HP1BP3: variants seen among roughly 807,000 people sequenced by gnomAD.
The protein encoded by HP1BP3 is heterochromatin protein 1-binding protein 3.
In HP1BP3, 12 loss-of-function variants were observed where a neutral mutation model predicts 62.5. That is an observed-to-expected ratio of 0.19 (90% confidence interval 0.12 to 0.31). The LOEUF is 0.31. Among genes scored for constraint, HP1BP3 ranks in the 10% least tolerant of loss-of-function variants. The probability of loss-of-function intolerance (pLI) is 1.00; values close to 1 mark genes in which losing one functional copy is unlikely to be tolerated. For synonymous variants in HP1BP3, 260 were observed against 237.8 expected, an observed-to-expected ratio of 1.09 and a Z score of -0.86; for missense variants, 502 against 651.8, an observed-to-expected ratio of 0.77 and a Z score of 2.50.
At chr1:20,777,660 G>C (rs1360537653) in intron 3 of HP1BP3, among the ~76,000 whole-genome samples, 1 of 152,054 alleles carries the variant, frequency 6.6e-6, no homozygotes, top group Non-Finnish European at 1.5e-5. Context: ...GGGTTTCATT[G>C]TGTTAGCCAG....
chr1:20,770,588 T>C (rs1003016685), intron 6 of HP1BP3, among the ~76,000 whole-genome samples: 2 of 152,170 alleles, frequency 1.3e-5, no homozygotes, highest in African/African-American at 4.8e-5. Flanking sequence ...GTGCTGGGAC[T>C]ACAGGTGTAG....
At position 20,749,845 on chromosome 1, in the gene HP1BP3, C is replaced by T; in HGVS notation, c.1019G>A (p.Ser340Asn). Residue 340 changes from serine (S) to asparagine (N), a missense_variant, in exon 10 of 13, where the codon AGC (serine) becomes AAC (asparagine). This residue lies in a region of HP1BP3 where 111 missense variants were observed against 242.0 expected (regional missense o/e 0.46). Transcript: ENST00000438032. ...AGACAAGATTGCATATTCCATCAGG[C>T]TTCCACCAAGCAGGGGTTTCTCCCC... ...KSGEKPLLGG[S>N]LMEYAILSAI... 1.2e-6 allele frequency: 2 copies of T among 1,613,922 alleles called. No homozygotes were observed. Among genetic ancestry groups the T allele is most frequent in the Non-Finnish European group, 1.7e-6 (2 of 1,179,936 alleles).
intron 7 of HP1BP3, among the ~76,000 whole-genome samples, chr1:20,766,398 G>C (rs1394356914): frequency 2.0e-5 from 3 of 151,814 alleles, no homozygotes; most frequent in East Asian, 3.9e-4. Context: ...AGTTCATTTT[G>C]AAAGTGTTTG....
intron 1 of HP1BP3, among the ~76,000 whole-genome samples, chr1:20,781,479 G>A (rs781753434): frequency 3.3e-5 from 5 of 152,082 alleles, no homozygotes; most frequent in African/African-American, 7.2e-5. Flanking sequence ...CACACTTATC[G>A]GGAAAATATT....
rs2055084446 is a variant in HP1BP3, at chr1:20,741,561, C to T, written c.*3236G>A. On this transcript the variant is annotated 3_prime_UTR_variant, in exon 13 of 13. Coordinates refer to ENST00000438032, the MANE Select transcript of HP1BP3 (RefSeq NM_001372052.1). ...GGACCAGGTTTCCTTTAATTAAGTC[C>T]ATGTGGATGCATAGTCAGAATCCAT... Among the ~76,000 whole-genome samples the T allele has an allele frequency of 6.6e-6, 1 of 152,152 alleles. No homozygotes were observed. Among genetic ancestry groups the T allele is most frequent in the Non-Finnish European group, 1.5e-5 (1 of 68,012 alleles).
intron 9 of HP1BP3, among the ~76,000 whole-genome samples, chr1:20,754,863 C>T (rs909716565): frequency 6.6e-6 from 1 of 152,168 alleles, no homozygotes; most frequent in Admixed American, 6.5e-5. Context: ...AATTATAAAA[C>T]TCTTAAAACG....
chr1:20,763,288 T>C (rs1408409), intron 8 of HP1BP3, among the ~76,000 whole-genome samples: 68,163 of 152,090 alleles, frequency 0.45, 15,628 homozygotes, highest in African/African-American at 0.47. Context: ...ATGCATCATA[T>C]AACGCATTTT....
intron 9 of HP1BP3, among the ~76,000 whole-genome samples, chr1:20,752,282 G>A (rs963021822): frequency 2.6e-5 from 4 of 151,682 alleles, no homozygotes; most frequent in Non-Finnish European, 5.9e-5. Context: ...CCTAAGATGC[G>A]ATTTGCTTTT....
intron 8 of HP1BP3, among the ~76,000 whole-genome samples, chr1:20,762,521 CCTAATCACA>C (rs2056545030): frequency 6.6e-6 from 1 of 152,138 alleles, no homozygotes; most frequent in Non-Finnish European, 1.5e-5. Flanking sequence ...TCACGAATCC[CCTAATCACA>C]AGGAAAATCC....
chr1:20,762,455 G>A (rs2056537793), intron 8 of HP1BP3, among the ~76,000 whole-genome samples: 2 of 152,162 alleles, frequency 1.3e-5, no homozygotes, highest in South Asian at 4.2e-4. Flanking sequence ...AAAAAGCAGA[G>A]AATAAAGGCT....
chr1:20,766,937 T>C, intron 7 of HP1BP3, among the ~76,000 whole-genome samples: 1 of 150,540 alleles, frequency 6.6e-6, no homozygotes, highest in East Asian at 2.0e-4. Flanking sequence ...AGCAAGATTC[T>C]ATCTTAGAAA....
At chr1:20,760,784 C>A (rs2056422751) in intron 8 of HP1BP3, among the ~76,000 whole-genome samples, 1 of 151,956 alleles carries the variant, frequency 6.6e-6, no homozygotes, top group African/African-American at 2.4e-5. Context: ...TGCAGTGAGC[C>A]GAGATCATGC....
intron 1 of HP1BP3, among the ~76,000 whole-genome samples, chr1:20,783,980 T>G (rs968753406): frequency 2.7e-5 from 4 of 150,418 alleles, no homozygotes; most frequent in African/African-American, 9.9e-5. Context: ...TGTACCTATG[T>G]TTTTTGTTTG....
rs1355983512 is a variant in HP1BP3 at position 20,740,800 on chromosome 1, A to G, written c.*3997T>C. 6.6e-6 allele frequency among the ~76,000 whole-genome samples: 1 copy of G among 152,272 alleles called. No homozygotes were observed. Reference sequence around the variant, plus strand: ...ACCACTGCGCTGCAGCCTTAGTGACACAGCAAACTCCATCTCAAAAAAATA... The same window carrying G: ...ACCACTGCGCTGCAGCCTTAGTGACGCAGCAAACTCCATCTCAAAAAAATA... On this transcript the variant is annotated 3_prime_UTR_variant, in exon 13 of 13. Transcript: ENST00000438032.
intron 1 of HP1BP3, among the ~76,000 whole-genome samples, chr1:20,781,096 C>T (rs2057524384): frequency 6.6e-6 from 1 of 151,954 alleles, no homozygotes; most frequent in African/African-American, 2.4e-5. Flanking sequence ...TAAAAGTATG[C>T]TTCTAAGACT....
chr1:20,745,033 C>T lies in HP1BP3; in HGVS notation c.1426G>A (p.Gly476Arg). ...PGKAASVKQRGSKPAPKVSAA... is the reference protein window; with the variant it reads ...PGKAASVKQRRSKPAPKVSAA... ...GAGACTTTAGGTGCAGGTTTGGACC[C>T]TCTCTGCTTCACAGATGCGGCCTTC... Residue 476 changes from glycine to arginine, a missense_variant, in exon 13 of 13, where the codon GGG (glycine) becomes AGG (arginine). Physicochemically the swap from Gly to Arg is moderately radical, Grantham distance 125. Coordinates refer to ENST00000438032, the MANE Select transcript of HP1BP3 (RefSeq NM_001372052.1). 6.2e-7 allele frequency: 1 copy of T among 1,614,028 alleles called. No homozygotes were observed. Among genetic ancestry groups the T allele is most frequent in the Non-Finnish European group, 8.5e-7 (1 of 1,179,982 alleles).
intron 3 of HP1BP3, among the ~76,000 whole-genome samples, chr1:20,778,916 A>G (rs2057419455): frequency 6.6e-6 from 1 of 151,676 alleles, no homozygotes; most frequent in Admixed American, 6.6e-5. Flanking sequence ...CAGCCTCCTG[A>G]GTAGCAGGGA....
At chr1:20,779,710 TGAA>T in intron 3 of HP1BP3, 99 bp downstream of exon 3, 1 of 513,616 alleles carries the variant, frequency 1.9e-6, no homozygotes, top group Non-Finnish European at 3.2e-6. Flanking sequence ...CACTTAGCCA[TGAA>T]AAAAAAAAAA....
At chr1:20,784,666 C>T (rs756523489) in intron 1 of HP1BP3, among the ~76,000 whole-genome samples, 1 of 151,788 alleles carries the variant, frequency 6.6e-6, no homozygotes, top group African/African-American at 2.4e-5. Flanking sequence ...TCAGTAGAGA[C>T]GGGGTTTCAC....
Sources: allele counts gnomAD v4.1 joint callset (sites outside exome capture counted in the v4.1 genomes callset), GRCh38; gene constraint gnomAD v4.1.1; regional missense constraint gnomAD v4.1.1; transcripts MANE v1.5; gene names NCBI Gene and HGNC (gene_info 2026-07-23, HGNC 2026-07-21).